The following PRCD variants were observed in gnomAD, a reference collection of about 807,000 sequenced individuals.
PRCD encodes photoreceptor disk component PRCD.
PRCD carries 12 observed loss-of-function variants against 10.1 expected under a neutral mutation model. The ratio of observed to expected loss-of-function variants is 1.18; its 90% CI spans 0.76 to 1.92. The LOEUF is 1.92. Ranked by LOEUF, PRCD falls within the 40% of genes most tolerant of loss-of-function variation. The probability of loss-of-function intolerance (pLI) is 0.00; values close to 1 mark genes in which losing one functional copy is unlikely to be tolerated. For missense variants in PRCD, 61 were observed against 72.2 expected (o/e 0.84, Z 0.56); for synonymous variants, 31 against 26.2 (o/e 1.18, Z -0.56).
At position 76,545,355 on chromosome 17, in the gene PRCD, A is replaced by G. The variant is rs923294218; in HGVS notation, c.*1705A>G. 8.8e-6 allele frequency: 4 copies of G among 456,716 alleles called. No individual in the cohort carries two copies. The highest frequency in any genetic ancestry group is 7.0e-5 in the Admixed American group (3 of 42,588). 28.3% of individuals were successfully genotyped at this position (456,716 alleles called of 1,614,324 possible). On this transcript the variant is annotated 3_prime_UTR_variant, in exon 5 of 5. Transcript: ENST00000592014. ...GGGTGGACCTTTAAATGGGGGAATT[A>G]AATCCTGACTATGACACTGTCCCCA... is the stretch of plus-strand genomic sequence containing the variant.
In PRCD at chr17:76,540,718, C is replaced by A. The variant is rs554074667; in HGVS notation, c.143+145C>A. ...TGCCCTAAGCACCCTGCTCCCTGTC[C>A]GCCTGCTGGGCAGGCTGGATGTCTG... On this transcript the variant is annotated intron_variant, in intron 2 of 4. Coordinates refer to ENST00000592014, the MANE Select transcript of PRCD (RefSeq NM_001077620.3). The surrounding 1 kb of genome is among the most constrained non-coding windows in gnomAD (Gnocchi z 5.0). 231 of 800,284 alleles carry A rather than the reference C, an allele frequency of 2.9e-4. 1 individual carries two copies. The African/African-American group carries it at 3.7e-3, about 13-fold the overall frequency. The allele number at this position is 800,284 out of a possible 1,614,324, so 49.6% of individuals were successfully genotyped here. A position where few individuals can be genotyped will look rare whatever the true frequency, so the allele number is the denominator to read the frequency against.
At position 76,530,141 on chromosome 17, in the gene PRCD, C is replaced by T. The variant is rs572295893; in HGVS notation, n.45+2308C>T. 4.7e-5 allele frequency: 45 copies of T among 956,020 alleles called. No individual in the cohort carries two copies. Among genetic ancestry groups the T allele is most frequent in the Non-Finnish European group, 5.4e-5 (43 of 803,204 alleles). 59.2% of individuals were successfully genotyped at this position (956,020 alleles called of 1,614,324 possible). A position where few individuals can be genotyped will look rare whatever the true frequency, so the allele number is the denominator to read the frequency against. ...ACCACGGGAATGTTTCTCTACCACG[C>T]GTGTCCCGGGCTGCTGGCTGACCTC... On this transcript the variant is annotated intron_variant and non_coding_transcript_variant, in intron 1 of 4. Transcript: ENST00000397633. This position sits in a 1 kb window ranked among gnomAD's most constrained non-coding sequence, Gnocchi z 6.1.
In PRCD at chr17:76,540,263, G is replaced by GC. The variant is rs751836791; in HGVS notation, c.74+49dup. The GC allele has an allele frequency of 2.6e-5, 16 of 610,924 alleles. No homozygotes were observed. Among genetic ancestry groups the GC allele is most frequent in the African/African-American group, 1.9e-4 (8 of 41,214 alleles). The allele number at this position is 610,924 out of a possible 1,614,324, so 37.8% of individuals were successfully genotyped here. A position where few individuals can be genotyped will look rare whatever the true frequency, so the allele number is the denominator to read the frequency against. On this transcript the variant is annotated intron_variant, in intron 1 of 4. Coordinates refer to ENST00000592014, the MANE Select transcript of PRCD (RefSeq NM_001077620.3). The surrounding 1 kb of genome is among the most constrained non-coding windows in gnomAD (Gnocchi z 5.0). Reference sequence around the variant, plus strand: ...GCTGGCGGTTGGTCGGGGGGGGGGGGCATGGGGCTGGGCTGCCACCAAGCT... The same window carrying GC: ...GCTGGCGGTTGGTCGGGGGGGGGGGGCCATGGGGCTGGGCTGCCACCAAGCT...
At chr17:76,543,732 C>T (rs1435956642) in intron 4 of PRCD, 71 bp from the exon 5 acceptor site, 2 of 468,600 alleles carry the variant, frequency 4.3e-6, no homozygotes, top group Non-Finnish European at 8.8e-6. Context: ...TAAGCCGCCA[C>T]TTGTGGTCCG....
At chr17:76,532,954 C>T (rs1229033412) in intron 1 of PRCD, among the ~76,000 whole-genome samples, 1 of 152,194 alleles carries the variant, frequency 6.6e-6, no homozygotes, top group African/African-American at 2.4e-5. Context: ...TATGGAGTGG[C>T]CTGGACCTGT....
chr17:76,534,000 C>T lies in PRCD; in HGVS notation n.45+6167C>T, dbSNP rs950410483. ...CTGCCATGAGCCATGATGGCGCCAC[C>T]GTACTCCAGCTTGGGTGACAGAGCA... On this transcript the variant is annotated intron_variant and non_coding_transcript_variant, in intron 1 of 4. Coordinates refer to the PRCD transcript ENST00000397633. This position sits in a 1 kb window ranked among gnomAD's most constrained non-coding sequence, Gnocchi z 4.5. Among the ~76,000 whole-genome samples the T allele has an allele frequency of 6.6e-5, 10 of 151,406 alleles. No homozygotes were observed. The highest frequency in any genetic ancestry group is 2.0e-4 in the Admixed American group (3 of 15,210).
rs1394124055 is a variant in PRCD, at chr17:76,528,803, C to T, written n.45+970C>T. 1 of 1,087,324 alleles carries T rather than the reference C, an allele frequency of 9.2e-7. No individual in the cohort carries two copies. Among genetic ancestry groups the T allele is most frequent in the African/African-American group, 1.6e-5 (1 of 61,342 alleles). The allele number at this position is 1,087,324 out of a possible 1,614,324, so 67.4% of individuals were successfully genotyped here. On this transcript the variant is annotated intron_variant and non_coding_transcript_variant, in intron 1 of 4. Coordinates refer to the PRCD transcript ENST00000397633. The surrounding 1 kb of genome is among the most constrained non-coding windows in gnomAD (Gnocchi z 5.8). ...TACGAACGTGCTGTGTGATCTCAGG[C>T]AAGTCTACTGGCCCATGGGAGCTCC...
chr17:76,537,699 GGTGT>G (rs550286728), upstream of PRCD: 178 of 555,492 alleles, frequency 3.2e-4, no homozygotes, highest in Middle Eastern at 1.8e-3. Context: ...GTGCGCGCCG[GGTGT>G]GTGTGTGTGT....
At position 76,540,522 on chromosome 17, in the gene PRCD, A is replaced by T. The variant is rs2074978498; in HGVS notation, c.92A>T (p.Asp31Val). ...TCCCACAGAGAGCCCAGCGACGTGG[A>T]TGGGGCAGCTAGGGGCAGCAGCTTG... is the stretch of plus-strand genomic sequence containing the variant. ...NRVQPEPSDVDGAARGSSLDA... is the reference protein window; with the variant it reads ...NRVQPEPSDVVGAARGSSLDA... Residue 31 changes from aspartate to valine, a missense_variant, in exon 2 of 5, where the codon GAT (aspartate) becomes GTT (valine). Physicochemically the swap from Asp to Val is radical, Grantham distance 152 (BLOSUM62 -3). Transcript: ENST00000592014. The surrounding 1 kb of genome is among the most constrained non-coding windows in gnomAD (Gnocchi z 5.0). The T allele has an allele frequency of 6.2e-7, 1 of 1,613,330 alleles. No homozygotes were observed. The highest frequency in any genetic ancestry group is 1.3e-5 in the African/African-American group (1 of 74,834).
upstream of PRCD, among the ~76,000 whole-genome samples, chr17:76,539,425 C>T (rs1437461419): frequency 6.6e-6 from 1 of 152,188 alleles, no homozygotes; most frequent in Non-Finnish European, 1.5e-5. Context: ...TGTGAGTGCA[C>T]ACTTGAATTC....
chr17:76,542,532 C>G (rs1455655223), intron 2 of PRCD, 21 bp from the exon 3 acceptor site: 5 of 1,614,146 alleles, frequency 3.1e-6, no homozygotes, highest in Non-Finnish European at 4.2e-6. Flanking sequence ...AATCCTGACC[C>G]CAGTGCTTTC....
upstream of PRCD, among the ~76,000 whole-genome samples, chr17:76,538,999 G>A (rs959988825): frequency 1.3e-5 from 2 of 152,252 alleles, no homozygotes; most frequent in Admixed American, 6.5e-5. Context: ...AGCCTCAGCT[G>A]CAGCCTGGGC....
At chr17:76,537,368 C>A (rs747878066), upstream of PRCD, 4 of 1,565,294 alleles carry the variant, frequency 2.6e-6, no homozygotes, top group Non-Finnish European at 2.6e-6. Flanking sequence ...GCCCTCCCTG[C>A]CCAGGGCCCG....
Position 76,530,838 on chromosome 17 carries a change from T to G in PRCD, n.45+3005T>G. ...CTTTCCTATTATGCCTGTTCTTACA[T>G]GTCAGACCCCAGGGTTGGCCTGCCT... is the stretch of plus-strand genomic sequence containing the variant. On this transcript the variant is annotated intron_variant and non_coding_transcript_variant, in intron 1 of 4. Coordinates refer to the PRCD transcript ENST00000397633. The surrounding 1 kb of genome is among the most constrained non-coding windows in gnomAD (Gnocchi z 6.1). 2 of 883,100 alleles carry G rather than the reference T, an allele frequency of 2.3e-6. No individual in the cohort carries two copies. Among genetic ancestry groups the G allele is most frequent in the Non-Finnish European group, 3.4e-6 (2 of 594,442 alleles). The allele number at this position is 883,100 out of a possible 1,614,324, so 54.7% of individuals were successfully genotyped here.
chr17:76,533,328 T>C lies in PRCD; in HGVS notation n.45+5495T>C, dbSNP rs1405031639. 2.0e-5 allele frequency among the ~76,000 whole-genome samples: 3 copies of C among 152,302 alleles called. No homozygotes were observed. Among genetic ancestry groups the C allele is most frequent in the Admixed American group, 1.3e-4 (2 of 15,306 alleles). The stretch of plus-strand genomic sequence containing the variant: ...GTGAGGCGACGGGTCTGAAAATACA[T>C]TGAATTTTCTGGAGAAGCACTGTAA... On this transcript the variant is annotated intron_variant and non_coding_transcript_variant, in intron 1 of 4. Coordinates refer to the PRCD transcript ENST00000397633. The surrounding 1 kb of genome is among the most constrained non-coding windows in gnomAD (Gnocchi z 4.5).
At chr17:76,535,194 G>T (rs970223599), upstream of PRCD, among the ~76,000 whole-genome samples, 1 of 152,332 alleles carries the variant, frequency 6.6e-6, no homozygotes, top group South Asian at 2.1e-4. Flanking sequence ...CTCCAGGTTG[G>T]GGGTGTGGAA....
At position 76,540,834 on chromosome 17, in the gene PRCD, G is replaced by A. The variant is rs2074983601; in HGVS notation, c.143+261G>A. Among the ~76,000 whole-genome samples, 2 of 152,198 alleles carry A rather than the reference G, an allele frequency of 1.3e-5. No individual in the cohort carries two copies. The highest frequency in any genetic ancestry group is 2.9e-5 in the Non-Finnish European group (2 of 68,026). On this transcript the variant is annotated intron_variant, in intron 2 of 4. Transcript: ENST00000592014. This position sits in a 1 kb window ranked among gnomAD's most constrained non-coding sequence, Gnocchi z 5.0. ...TCTCCAGCACGGGGCGGTCCCCCGG[G>A]GCACCTTCTGTCAGAAGGCACAGGG... is the stretch of plus-strand genomic sequence containing the variant.
At chr17:76,543,629 C>T (rs1483359639) in intron 4 of PRCD, among the ~76,000 whole-genome samples, 174 bp from the exon 5 acceptor site, 1 of 152,234 alleles carries the variant, frequency 6.6e-6, no homozygotes, top group Non-Finnish European at 1.5e-5. Flanking sequence ...CCCACCATGG[C>T]AGGCGGCCTC....
In PRCD at chr17:76,533,046, A is replaced by C. The variant is rs1471455163; in HGVS notation, n.45+5213A>C. On this transcript the variant is annotated intron_variant and non_coding_transcript_variant, in intron 1 of 4. Transcript: ENST00000397633. The surrounding 1 kb of genome is among the most constrained non-coding windows in gnomAD (Gnocchi z 4.5). ...AATTTGCGGAAGTAGCCCTTTGGCC[A>C]GGAGTCGAGTCTCAGATGTGAGGGC... Among the ~76,000 whole-genome samples, 5 of 152,240 alleles carry C rather than the reference A, an allele frequency of 3.3e-5. No homozygotes were observed. The highest frequency in any genetic ancestry group is 1.2e-4 in the African/African-American group (5 of 41,468).
Sources: allele counts gnomAD v4.1 joint callset (sites outside exome capture counted in the v4.1 genomes callset), GRCh38; gene constraint gnomAD v4.1.1; non-coding constraint Gnocchi (gnomAD v3.1); transcripts MANE v1.5; gene names NCBI Gene and HGNC (gene_info 2026-07-23, HGNC 2026-07-21).